CHODL: variants seen among roughly 807,000 people sequenced by gnomAD.
CHODL encodes the protein chondrolectin.
Under a neutral mutation model 34.5 loss-of-function variants are expected in CHODL, and 29 were observed. The observed-to-expected ratio is 0.84, with a 90% CI of 0.63 to 1.15. The LOEUF is 1.15. Among genes scored for constraint, CHODL ranks in the 50% most tolerant of loss-of-function variants. CHODL has a pLI of 0.00. For missense variants in CHODL, 332 were observed against 332.5 expected (o/e 1.00, Z 0.01); for synonymous variants, 125 against 116.1 (o/e 1.08, Z -0.49).
At chr21:17,934,673 C>T (rs1474720649) in intron 1 of CHODL, among the ~76,000 whole-genome samples, 2 of 152,032 alleles carry the variant, frequency 1.3e-5, no homozygotes, top group African/African-American at 2.4e-5. Context: ...TTCATCCCAC[C>T]TCTTCCTTTT....
At chr21:18,016,938 C>T (rs2064080497) in intron 1 of CHODL, among the ~76,000 whole-genome samples, 1 of 152,244 alleles carries the variant, frequency 6.6e-6, no homozygotes. Context: ...TGCATGGGGC[C>T]TGCGGCCCCA....
rs532630357 is a variant in CHODL at position 18,062,504 on chromosome 21, G to A, written c.-45+34533G>A. Among the ~76,000 whole-genome samples, 25 of 152,088 alleles carry A rather than the reference G, an allele frequency of 1.6e-4. No individual in the cohort carries two copies. In the East Asian group the frequency reaches 4.3e-3, roughly 26 times the overall value. On this transcript the variant is annotated intron_variant, in intron 2 of 6. Coordinates refer to the CHODL transcript ENST00000400127. ...GACATTGAGGGGCGTGGTGGCTCAC[G>A]ACTGTAATCCCAGCACTTTGGGAAG... is the stretch of plus-strand genomic sequence containing the variant.
At chr21:18,211,425 A>G (rs2073773876) in intron 2 of CHODL, among the ~76,000 whole-genome samples, 1 of 152,208 alleles carries the variant, frequency 6.6e-6, no homozygotes, top group South Asian at 2.1e-4. Flanking sequence ...AAGCATGTCA[A>G]ATTAAAAACA....
intron 2 of CHODL, among the ~76,000 whole-genome samples, chr21:18,128,616 G>A (rs747812445): frequency 1.3e-5 from 2 of 152,082 alleles, no homozygotes; most frequent in Non-Finnish European, 2.9e-5. Flanking sequence ...GTGAGGATGT[G>A]CAGTATTCAG....
chr21:18,245,110 G>T lies in CHODL; in HGVS notation c.-114G>T. 7.8e-6 allele frequency: 7 copies of T among 900,474 alleles called. No homozygotes were observed. The highest frequency in any genetic ancestry group is 3.3e-5 in the East Asian group (1 of 30,086). The allele number at this position is 900,474 out of a possible 1,614,324, so 55.8% of individuals were successfully genotyped here. ...GGTCGGGCAGCTGGGCTCGGGCGGC[G>T]GGAGTAGGGCCCGGCAGGGAGGCAG... On this transcript the variant is annotated 5_prime_UTR_variant, in exon 1 of 6. Transcript: ENST00000299295.
intron 1 of CHODL, among the ~76,000 whole-genome samples, chr21:18,250,939 A>T (rs2074228776): frequency 6.6e-6 from 1 of 151,826 alleles, no homozygotes; most frequent in African/African-American, 2.4e-5. Context: ...AAAAAGTGAT[A>T]TAAATTCAAT....
chr21:18,041,626 C>T (rs1003119708), intron 2 of CHODL, among the ~76,000 whole-genome samples: 1 of 151,642 alleles, frequency 6.6e-6, no homozygotes. Context: ...TTAGTAAAAC[C>T]AAAATGATAG....
rs767844049 is a variant in CHODL at position 17,926,375 on chromosome 21, G to GTTTTT, written c.-145+8975_-145+8976insTTTTT. On this transcript the variant is annotated intron_variant, in intron 1 of 6. Transcript: ENST00000400127. Reference sequence around the variant, plus strand: ...CTGAGGGTAACAAATAAATAAGGTGGGTTTTTTTTTTTTTTTTCCTGAAGT... The same window carrying GTTTTT: ...CTGAGGGTAACAAATAAATAAGGTGGTTTTTGTTTTTTTTTTTTTTTTCCTGAAGT... 3.3e-5 allele frequency among the ~76,000 whole-genome samples: 2 copies of GTTTTT among 60,540 alleles called. 1 individual carries two copies. The allele number at this position is 60,540 out of a possible 152,430, so 39.7% of individuals were successfully genotyped here.
chr21:18,040,019 C>A (rs117859608), intron 2 of CHODL, among the ~76,000 whole-genome samples: 2,550 of 151,826 alleles, frequency 0.017, 33 homozygotes, highest in Non-Finnish European at 0.023. Flanking sequence ...GATCACATCA[C>A]ATAAATAAGA....
intron 2 of CHODL, among the ~76,000 whole-genome samples, chr21:18,089,518 C>T (rs985341217): frequency 5.3e-5 from 8 of 152,116 alleles, no homozygotes; most frequent in African/African-American, 1.9e-4. Flanking sequence ...TTTGTCACAG[C>T]ATGTGAAATA....
In CHODL at chr21:18,048,878, G is replaced by A. The variant is rs73196658; in HGVS notation, c.-45+20907G>A. 2.2e-3 allele frequency among the ~76,000 whole-genome samples: 334 copies of A among 151,790 alleles called. 3 individuals are homozygous for A. The highest frequency in any genetic ancestry group is 0.013 in the South Asian group (64 of 4,808). Reference sequence around the variant, plus strand: ...ACTCTCCAGCCACTTTAGACCTATCGAATATTATTGGTTATAGATTTGTTT... The same window carrying A: ...ACTCTCCAGCCACTTTAGACCTATCAAATATTATTGGTTATAGATTTGTTT... On this transcript the variant is annotated intron_variant, in intron 2 of 6. Coordinates refer to the CHODL transcript ENST00000400127.
intron 1 of CHODL, among the ~76,000 whole-genome samples, chr21:17,944,596 A>G (rs73321598): frequency 0.022 from 3,314 of 152,298 alleles, 124 homozygotes; most frequent in African/African-American, 0.075. Context: ...GCCATGCCCA[A>G]CTGCAGATTC....
intron 2 of CHODL, among the ~76,000 whole-genome samples, chr21:18,126,492 T>G (rs73198594): frequency 0.11 from 16,420 of 152,272 alleles, 1,032 homozygotes; most frequent in Middle Eastern, 0.15. Flanking sequence ...AGATGTGCTT[T>G]CATTCTGATA....
intron 1 of CHODL, among the ~76,000 whole-genome samples, chr21:17,982,879 C>T (rs1011093598): frequency 6.6e-6 from 1 of 151,206 alleles, no homozygotes; most frequent in Non-Finnish European, 1.5e-5. Flanking sequence ...TCCCTCCAAC[C>T]CCCCCCAGCT....
At chr21:17,953,968 C>T (rs1365761604) in intron 1 of CHODL, among the ~76,000 whole-genome samples, 2 of 152,052 alleles carry the variant, frequency 1.3e-5, no homozygotes. Flanking sequence ...GAGACTGTGC[C>T]ACTGCACTCC....
At chr21:18,197,418 C>G (rs1049131345) in intron 2 of CHODL, among the ~76,000 whole-genome samples, 1 of 152,162 alleles carries the variant, frequency 6.6e-6, no homozygotes, top group African/African-American at 2.4e-5. Context: ...CGAGACCAAC[C>G]TGGCCAACAT....
At chr21:18,242,440 A>G (rs1025624247), upstream of CHODL, among the ~76,000 whole-genome samples, 1 of 151,110 alleles carries the variant, frequency 6.6e-6, no homozygotes, top group Non-Finnish European at 1.5e-5. Context: ...GGGAAAAAAA[A>G]GGAAGCCAAG....
chr21:18,036,498 G>T (rs2064312662), intron 2 of CHODL, among the ~76,000 whole-genome samples: 1 of 152,014 alleles, frequency 6.6e-6, no homozygotes, highest in Admixed American at 6.5e-5. Flanking sequence ...AACTCAGGAA[G>T]ACCACTGGGT....
chr21:18,161,139 T>A (rs1444705365), intron 2 of CHODL, among the ~76,000 whole-genome samples: 1 of 152,212 alleles, frequency 6.6e-6, no homozygotes, highest in East Asian at 1.9e-4. Flanking sequence ...GGAAAGTGTC[T>A]GTTCATGTCC....
Sources: allele counts gnomAD v4.1 joint callset (sites outside exome capture counted in the v4.1 genomes callset), GRCh38; gene constraint gnomAD v4.1.1; transcripts MANE v1.5; gene names NCBI Gene and HGNC (gene_info 2026-07-23, HGNC 2026-07-21).